The following ATE1 variants were observed in gnomAD, a reference collection of about 807,000 sequenced individuals.
ATE1 encodes the protein arginyl-tRNA--protein transferase 1.
ATE1 carries 36 observed loss-of-function variants against 70.5 expected under a neutral mutation model. The observed-to-expected ratio is 0.51, with a 90% CI of 0.39 to 0.67. ATE1 has a LOEUF of 0.67. Among genes scored for constraint, ATE1 ranks in the 30% least tolerant of loss-of-function variants. ATE1 has a pLI of 0.00. For missense variants in ATE1, 593 were observed against 629.5 expected (o/e 0.94, Z 0.62); for synonymous variants, 232 against 219.3 (o/e 1.06, Z -0.51).
chr10:121,844,187 C>CCCT (rs1447060172), intron 8 of ATE1, among the ~76,000 whole-genome samples: 2 of 152,212 alleles, frequency 1.3e-5, no homozygotes, highest in African/African-American at 4.8e-5. Context: ...ATCCTCTGAG[C>CCCT]CCAGGAGTTC....
At position 121,743,398 on chromosome 10, in the gene ATE1, C is replaced by A; in HGVS notation, c.*282G>T. The A allele has an allele frequency of 2.7e-6, 1 of 371,282 alleles. No homozygotes were observed. The highest frequency in any genetic ancestry group is 1.1e-4 in the South Asian group (1 of 8,834). 23.0% of individuals were successfully genotyped at this position (371,282 alleles called of 1,614,324 possible). Reference sequence around the variant, plus strand: ...ATTCACTTCTTCATTTTACAAAATACAAACAGGAGAATTTGAGCGTATCTT... The same window carrying A: ...ATTCACTTCTTCATTTTACAAAATAAAAACAGGAGAATTTGAGCGTATCTT... On this transcript the variant is annotated 3_prime_UTR_variant, in exon 12 of 12. Transcript: ENST00000224652.
Position 121,854,328 on chromosome 10 carries a change from C to T in ATE1, c.976-13065G>A, listed in dbSNP as rs576423030. On this transcript the variant is annotated intron_variant, in intron 8 of 11. Transcript: ENST00000224652. ...AATGTTCTTTGTACCAGTTTTAATGCCTTACTGGTTTTGCACTAACTGAGT... is the reference window on the plus strand; with the variant it reads ...AATGTTCTTTGTACCAGTTTTAATGTCTTACTGGTTTTGCACTAACTGAGT... 5.3e-5 allele frequency among the ~76,000 whole-genome samples: 8 copies of T among 152,266 alleles called. No homozygotes were observed. The South Asian group carries it at 1.7e-3, about 32-fold the overall frequency.
At chr10:121,778,813 G>A (rs1945856186) in intron 11 of ATE1, among the ~76,000 whole-genome samples, 1 of 151,944 alleles carries the variant, frequency 6.6e-6, no homozygotes, top group African/African-American at 2.4e-5. Context: ...ACGTTGGGCA[G>A]GCTGGTCTTG....
In ATE1 at chr10:121,742,900, C is replaced by G. The variant is rs985669157; in HGVS notation, c.*780G>C. On this transcript the variant is annotated 3_prime_UTR_variant, in exon 12 of 12. Transcript: ENST00000224652. ...GATGAGACTTAGATCAAGGCAGGAA[C>G]CAACATTTTTCTTTAAAAAAATTCA... 1.7e-4 allele frequency: 26 copies of G among 152,104 alleles called. No individual in the cohort carries two copies. Among genetic ancestry groups the G allele is most frequent in the Non-Finnish European group, 4.4e-5 (3 of 68,024 alleles). The allele number at this position is 152,104 out of a possible 1,614,324, so 9.4% of individuals were successfully genotyped here. A position where few individuals can be genotyped will look rare whatever the true frequency, so the allele number is the denominator to read the frequency against.
At chr10:121,881,355 A>G (rs888855021) in intron 7 of ATE1, among the ~76,000 whole-genome samples, 4 of 152,212 alleles carry the variant, frequency 2.6e-5, no homozygotes, top group East Asian at 1.9e-4. Flanking sequence ...GCTATGGATT[A>G]CAGTACCCCA....
At chr10:121,750,385 A>G in intron 11 of ATE1, among the ~76,000 whole-genome samples, 1 of 152,250 alleles carries the variant, frequency 6.6e-6, no homozygotes, top group Admixed American at 6.5e-5. Flanking sequence ...TCTCTGATGT[A>G]TCACAATCTA....
chr10:121,780,995 T>C (rs1236655822), intron 11 of ATE1, among the ~76,000 whole-genome samples: 2 of 152,230 alleles, frequency 1.3e-5, no homozygotes, highest in African/African-American at 4.8e-5. Flanking sequence ...AATGCATTTA[T>C]GAATTCTTTA....
intron 8 of ATE1, among the ~76,000 whole-genome samples, chr10:121,866,929 T>C (rs2133996885): frequency 6.6e-6 from 1 of 152,010 alleles, no homozygotes; most frequent in African/African-American, 2.4e-5. Flanking sequence ...AAGACCTATC[T>C]ATAACTGAGA....
chr10:121,831,464 T>C (rs147632104), intron 10 of ATE1, among the ~76,000 whole-genome samples: 490 of 152,264 alleles, frequency 3.2e-3, no homozygotes, highest in African/African-American at 0.011. Flanking sequence ...GACTGCTCCC[T>C]CCTCTGCACT....
chr10:121,840,087 T>C (rs781244754), intron 9 of ATE1, among the ~76,000 whole-genome samples: 3 of 152,048 alleles, frequency 2.0e-5, no homozygotes, highest in African/African-American at 7.2e-5. Context: ...CATATACACA[T>C]AGACAAACAG....
At chr10:121,791,230 G>A (rs991388351) in intron 10 of ATE1, among the ~76,000 whole-genome samples, 4 of 151,224 alleles carry the variant, frequency 2.6e-5, no homozygotes, top group African/African-American at 9.7e-5. Flanking sequence ...AGTAGCTGGG[G>A]TTACTGGTGT....
At chr10:121,768,700 C>T (rs941752346) in intron 11 of ATE1, among the ~76,000 whole-genome samples, 2 of 152,140 alleles carry the variant, frequency 1.3e-5, no homozygotes, top group Non-Finnish European at 2.9e-5. Context: ...TTCTTCAAAA[C>T]ATTACATAAC....
chr10:121,898,522 C>T (rs1490443585), intron 7 of ATE1, among the ~76,000 whole-genome samples: 1 of 152,142 alleles, frequency 6.6e-6, no homozygotes, highest in East Asian at 1.9e-4. Context: ...TTCTTGAAGA[C>T]AGAGACTCCT....
At chr10:121,770,577 T>C (rs12766842) in intron 11 of ATE1, among the ~76,000 whole-genome samples, 55 of 152,142 alleles carry the variant, frequency 3.6e-4, no homozygotes, top group Non-Finnish European at 7.4e-4. Context: ...TACTTCTTTG[T>C]GGTTTAAAAT....
intron 10 of ATE1, among the ~76,000 whole-genome samples, chr10:121,836,358 C>T (rs1948431765): frequency 1.3e-5 from 2 of 152,138 alleles, no homozygotes; most frequent in Admixed American, 6.6e-5. Context: ...TTATTGCTAT[C>T]GCGGTGGGTG....
At chr10:121,772,211 T>C (rs1945548364) in intron 11 of ATE1, among the ~76,000 whole-genome samples, 3 of 152,254 alleles carry the variant, frequency 2.0e-5, no homozygotes, top group Admixed American at 6.5e-5. Context: ...CTTCATTTCA[T>C]GTTCTTCAGA....
At chr10:121,811,825 A>G (rs1947328982) in intron 10 of ATE1, among the ~76,000 whole-genome samples, 2 of 152,114 alleles carry the variant, frequency 1.3e-5, no homozygotes, top group South Asian at 2.1e-4. Context: ...AAAAACTATT[A>G]TCACACTCTC....
intron 10 of ATE1, among the ~76,000 whole-genome samples, chr10:121,810,265 TTTTG>T (rs978467837): frequency 2.0e-5 from 3 of 152,274 alleles, no homozygotes; most frequent in East Asian, 3.9e-4. Context: ...TAAATATGTT[TTTTG>T]TTTGTTTGTT....
chr10:121,892,850 CA>C (rs1446408785), intron 7 of ATE1, among the ~76,000 whole-genome samples: 1 of 152,154 alleles, frequency 6.6e-6, no homozygotes, highest in East Asian at 1.9e-4. Flanking sequence ...CAGGGAGAGA[CA>C]AAAAGAACAC....
Sources: gnomAD v4.1 joint callset for allele counts (sites outside exome capture counted in the v4.1 genomes callset) on GRCh38, gnomAD v4.1.1 for gene constraint, MANE v1.5 for transcripts, NCBI Gene and HGNC (gene_info 2026-07-23, HGNC 2026-07-21) for gene names.